Variants in ASB2 observed in about 807,000 individuals in gnomAD.
ASB2 encodes ankyrin repeat and SOCS box containing 2, also known as ankyrin repeat and SOCS box protein 2.
ASB2 carries 58 observed loss-of-function variants against 62.4 expected under a neutral mutation model. The observed-to-expected ratio is 0.93, with a 90% CI of 0.75 to 1.16. The LOEUF is 1.16. Ranked by LOEUF, ASB2 falls within the 50% of genes most tolerant of loss-of-function variation. The pLI is 0.00. For synonymous variants in ASB2, 386 were observed against 385.3 expected (o/e 1.00, Z -0.02); for missense variants, 928 against 887.9 (o/e 1.05, Z -0.57).
At chr14:93,954,076 C>A in intron 4 of ASB2, 1 of 553,214 alleles carries the variant, frequency 1.8e-6, no homozygotes, top group Non-Finnish European at 3.2e-6. Flanking sequence ...TCAGCCCTCC[C>A]TCATTCCTTT....
At chr14:93,946,295 A>AC (rs1409874408) in intron 7 of ASB2, among the ~76,000 whole-genome samples, 1 of 152,238 alleles carries the variant, frequency 6.6e-6, no homozygotes, top group Non-Finnish European at 1.5e-5. Flanking sequence ...TGTGAGGCTC[A>AC]CATGGGAGGC....
At chr14:93,943,943 G>A (rs1160306767) in intron 7 of ASB2, 1 of 456,068 alleles carries the variant, frequency 2.2e-6, no homozygotes, top group Admixed American at 2.3e-5. Context: ...AGTGTTATAT[G>A]TTGGAACTAA....
chr14:93,968,394 C>T (rs1415820588), intron 1 of ASB2: 1 of 152,216 alleles, frequency 6.6e-6, no homozygotes, highest in Admixed American at 6.5e-5. Context: ...TCCCATTCTA[C>T]AGATGAGGCA....
At chr14:93,950,009 T>C (rs1888893057) in intron 6 of ASB2, among the ~76,000 whole-genome samples, 2 of 152,344 alleles carry the variant, frequency 1.3e-5, no homozygotes, top group South Asian at 2.1e-4. Context: ...GCACAAAGCA[T>C]GTGCAGTTTG....
rs1888716266 is a variant in ASB2 at position 93,946,240 on chromosome 14, C to G, written c.1052+1109G>C. Among the ~76,000 whole-genome samples the G allele has an allele frequency of 2.0e-5, 3 of 152,188 alleles. No individual in the cohort carries two copies. In the South Asian group the frequency reaches 6.2e-4, roughly 32 times the overall value. On this transcript the variant is annotated intron_variant, in intron 7 of 9. Transcript: ENST00000555019. ...AACTACCAGAGTCTTCGTTTCCTGT[C>G]CTGTAAAATGAAAATCCGGGTTGAC...
At chr14:93,962,880 C>T (rs1467271262) in intron 2 of ASB2, among the ~76,000 whole-genome samples, 3 of 152,236 alleles carry the variant, frequency 2.0e-5, no homozygotes, top group Non-Finnish European at 2.9e-5. Context: ...AGAACAGGAA[C>T]CAGGGCCACC....
chr14:93,968,541 C>T (rs2141319078), intron 1 of ASB2, among the ~76,000 whole-genome samples: 1 of 152,318 alleles, frequency 6.6e-6, no homozygotes, highest in East Asian at 1.9e-4. Flanking sequence ...AAGCAACTGA[C>T]ACACACATGG....
chr14:93,941,716 G>T (rs552141290), intron 7 of ASB2: 3 of 455,982 alleles, frequency 6.6e-6, no homozygotes, highest in African/African-American at 6.0e-5. Flanking sequence ...CCCCGGGGCC[G>T]CTGGACAGAT....
At chr14:93,957,493 A>T in intron 2 of ASB2, 2 of 682,526 alleles carry the variant, frequency 2.9e-6, no homozygotes, top group Non-Finnish European at 3.6e-6. Context: ...ACACAGGTTC[A>T]CATCTGGGCT....
At chr14:93,969,376 G>T (rs1826935184) in intron 1 of ASB2, among the ~76,000 whole-genome samples, 1 of 152,222 alleles carries the variant, frequency 6.6e-6, no homozygotes, top group African/African-American at 2.4e-5. Flanking sequence ...AGCTTTGCTG[G>T]TTGTTAGCCG....
chr14:93,955,649 A>G (rs1480805463), intron 3 of ASB2: 2 of 160,654 alleles, frequency 1.2e-5, no homozygotes. Flanking sequence ...GTGTCGTGAG[A>G]ACACTTTCAG....
rs138361227 is a variant in ASB2 at position 93,951,227 on chromosome 14, C to T, written c.652G>A (p.Ala218Thr). The change falls in exon 6 of 10, where the codon GCG (alanine) becomes ACG (threonine). Residue 218 changes from alanine (A) to threonine (T), a missense_variant. Coordinates refer to ENST00000555019, the MANE Select transcript of ASB2 (RefSeq NM_001202429.2). ...PLYKACERKN[A>T]EAVKILVQHN... ...TGCACCAGAATCTTCACGGCCTCCG[C>T]GTTCTTGCGCTCGCAGGCTGTGCTC... The T allele has an allele frequency of 1.7e-4, 268 of 1,603,716 alleles. No individual in the cohort carries two copies. The Admixed American group carries it at 3.5e-3, about 21-fold the overall frequency.
intron 2 of ASB2, chr14:93,957,260 T>G: frequency 8.6e-7 from 1 of 1,164,742 alleles, no homozygotes; most frequent in Non-Finnish European, 1.1e-6. Context: ...GGCTCACTGC[T>G]GGCCAGGCAG....
chr14:93,942,566 T>G (rs1888567104), intron 7 of ASB2, among the ~76,000 whole-genome samples: 1 of 152,186 alleles, frequency 6.6e-6, no homozygotes, highest in Non-Finnish European at 1.5e-5. Flanking sequence ...AGGATTCTAG[T>G]TTCCTCAGAG....
chr14:93,955,270 C>T, intron 3 of ASB2: 1 of 416,758 alleles, frequency 2.4e-6, no homozygotes, highest in Non-Finnish European at 4.8e-6. Flanking sequence ...AGGATGGGCT[C>T]TGGGCGGTCT....
intron 1 of ASB2, among the ~76,000 whole-genome samples, chr14:93,970,253 A>G (rs1379508586): frequency 6.6e-6 from 1 of 152,210 alleles, no homozygotes; most frequent in Non-Finnish European, 1.5e-5. Context: ...GCTGGCAGCC[A>G]TCCTCCACCA....
At chr14:93,954,228 T>A in intron 4 of ASB2, 89 bp downstream of exon 4, 1 of 1,030,430 alleles carries the variant, frequency 9.7e-7, no homozygotes, top group Non-Finnish European at 1.5e-6. Context: ...CCAAGATGAT[T>A]GTGGGCAAAG....
At chr14:93,951,346 G>A in intron 5 of ASB2, 102 bp from the exon 6 acceptor site, 4 of 1,348,576 alleles carry the variant, frequency 3.0e-6, no homozygotes, top group Non-Finnish European at 4.0e-6. Flanking sequence ...CACTCATTCA[G>A]CTTTCCACTG....
chr14:93,954,564 G>A, intron 3 of ASB2, 81 bp from the exon 4 acceptor site: 1 of 1,326,558 alleles, frequency 7.5e-7, no homozygotes, highest in Non-Finnish European at 1.1e-6. Context: ...AGTGCTGGCA[G>A]TGGAGTCACT....
Sources: allele counts gnomAD v4.1 joint callset (sites outside exome capture counted in the v4.1 genomes callset), GRCh38; gene constraint gnomAD v4.1.1; transcripts MANE v1.5; gene names NCBI Gene and HGNC (gene_info 2026-07-23, HGNC 2026-07-21).